The following TENM3 variants were observed in gnomAD, a reference collection of about 807,000 sequenced individuals.
The protein encoded by TENM3 is teneurin-3.
TENM3 carries 63 observed loss-of-function variants against 255.1 expected under a neutral mutation model. The observed-to-expected ratio is 0.25, with a 90% CI of 0.20 to 0.30. TENM3 has a LOEUF of 0.30. Among genes scored for constraint, TENM3 ranks in the 10% least tolerant of loss-of-function variants. The probability of loss-of-function intolerance (pLI) is 1.00; values close to 1 mark genes in which losing one functional copy is unlikely to be tolerated. For missense variants in TENM3, 2,929 were observed against 3,461.1 expected, an observed-to-expected ratio of 0.85 and a Z score of 3.86; for synonymous variants, 1,306 against 1,322.3, an observed-to-expected ratio of 0.99 and a Z score of 0.27.
At chr4:181,748,391 T>C in the TENM3 span, among the ~76,000 whole-genome samples, 2 of 152,104 alleles carry the variant, frequency 1.3e-5, no homozygotes, top group Non-Finnish European at 1.5e-5. Flanking sequence ...CACACACCTA[T>C]ACATAGTCCT....
intron 1 of TENM3, among the ~76,000 whole-genome samples, chr4:182,289,935 A>C (rs897687718): frequency 2.6e-5 from 4 of 152,190 alleles, no homozygotes; most frequent in African/African-American, 9.6e-5. Flanking sequence ...CTGCCTTGCC[A>C]TTCTGCCCCT....
At chr4:182,372,979 A>C (rs1766946024) in intron 3 of TENM3, among the ~76,000 whole-genome samples, 1 of 152,076 alleles carries the variant, frequency 6.6e-6, no homozygotes, top group Non-Finnish European at 1.5e-5. Context: ...AACTCAAGCA[A>C]ATTGCCTGCC....
At chr4:181,493,184 A>G in the TENM3 span, among the ~76,000 whole-genome samples, 13 of 151,602 alleles carry the variant, frequency 8.6e-5, no homozygotes, top group Non-Finnish European at 1.8e-4. Context: ...TAATCTCAAT[A>G]TTTTGGGAGG....
chr4:182,630,720 T>C (rs983596120), intron 5 of TENM3, among the ~76,000 whole-genome samples: 1 of 151,936 alleles, frequency 6.6e-6, no homozygotes, highest in Non-Finnish European at 1.5e-5. Flanking sequence ...TAAAAAAGAA[T>C]ATGTGTTTGT....
intron 1 of TENM3, among the ~76,000 whole-genome samples, chr4:182,278,411 T>C (rs1760152149): frequency 6.6e-6 from 1 of 152,106 alleles, no homozygotes; most frequent in Admixed American, 6.6e-5. Flanking sequence ...ATGTACTAGC[T>C]GGGTGAGCTG....
At chr4:182,452,628 T>C (rs979956526) in intron 3 of TENM3, among the ~76,000 whole-genome samples, 1 of 152,188 alleles carries the variant, frequency 6.6e-6, no homozygotes, top group Non-Finnish European at 1.5e-5. Flanking sequence ...CATATAAATA[T>C]GGATTTTAAG....
intron 2 of TENM3, among the ~76,000 whole-genome samples, chr4:182,340,602 C>A (rs1764426264): frequency 6.6e-6 from 1 of 152,072 alleles, no homozygotes; most frequent in South Asian, 2.1e-4. Flanking sequence ...AATGGTGACA[C>A]ATTTAACATA....
chr4:182,297,912 T>C (rs188324931), intron 1 of TENM3, among the ~76,000 whole-genome samples: 73 of 152,296 alleles, frequency 4.8e-4, no homozygotes, highest in African/African-American at 1.7e-3. Flanking sequence ...TCATGGACTT[T>C]CTCAGGCCTC....
intron 3 of TENM3, among the ~76,000 whole-genome samples, chr4:182,446,706 T>C (rs1328675134): frequency 6.6e-6 from 1 of 152,020 alleles, no homozygotes; most frequent in East Asian, 1.9e-4. Flanking sequence ...GCAGTCTGCC[T>C]GCCTCCATCT....
upstream of TENM3, among the ~76,000 whole-genome samples, chr4:182,240,542 C>T (rs1757185426): frequency 6.6e-6 from 1 of 152,188 alleles, no homozygotes; most frequent in African/African-American, 2.4e-5. Flanking sequence ...GACCATGTGT[C>T]ATCAGCATGC....
At chr4:181,992,204 T>C in the TENM3 span, among the ~76,000 whole-genome samples, 1 of 152,196 alleles carries the variant, frequency 6.6e-6, no homozygotes, top group Non-Finnish European at 1.5e-5. Flanking sequence ...TCTCGGTACC[T>C]GAGAGCAAAG....
At chr4:181,569,498 A>C in the TENM3 span, among the ~76,000 whole-genome samples, 1 of 152,024 alleles carries the variant, frequency 6.6e-6, no homozygotes, top group East Asian at 1.9e-4. Context: ...CCATTTTCTA[A>C]CTCATTTTCC....
At chr4:182,643,949 A>G (rs1482638147) in intron 5 of TENM3, among the ~76,000 whole-genome samples, 1 of 152,182 alleles carries the variant, frequency 6.6e-6, no homozygotes, top group African/African-American at 2.4e-5. Context: ...TCTCTTTCCC[A>G]TATTACCTCA....
chr4:181,594,806 C>T, the TENM3 span, among the ~76,000 whole-genome samples: 1 of 152,150 alleles, frequency 6.6e-6, no homozygotes, highest in Non-Finnish European at 1.5e-5. Flanking sequence ...AGAATTCTTG[C>T]TTTCTTCCCC....
chr4:181,485,282 C>T, the TENM3 span, among the ~76,000 whole-genome samples: 1 of 152,048 alleles, frequency 6.6e-6, no homozygotes, highest in Non-Finnish European at 1.5e-5. Flanking sequence ...CACTTTTAAA[C>T]TGGATTTTAA....
chr4:182,443,488 C>T (rs1018177904), intron 3 of TENM3, among the ~76,000 whole-genome samples: 4 of 152,210 alleles, frequency 2.6e-5, no homozygotes, highest in Non-Finnish European at 5.9e-5. Flanking sequence ...GCTCTTGCTA[C>T]GTACTCAGTT....
At chr4:182,107,066 T>C in the TENM3 span, among the ~76,000 whole-genome samples, 1 of 152,030 alleles carries the variant, frequency 6.6e-6, no homozygotes, top group South Asian at 2.1e-4. Context: ...TGTATGGAAC[T>C]TTCCTTATTT....
the TENM3 span, among the ~76,000 whole-genome samples, chr4:181,741,352 T>G: frequency 6.6e-6 from 1 of 152,200 alleles, no homozygotes; most frequent in South Asian, 2.1e-4. Context: ...TCTATGAAAT[T>G]ATGCTTGAGA....
At chr4:181,711,925 G>A in the TENM3 span, among the ~76,000 whole-genome samples, 3 of 152,264 alleles carry the variant, frequency 2.0e-5, no homozygotes, top group East Asian at 3.9e-4. Context: ...TTTGAACAGA[G>A]CCTGGCCTGT....
Sources: allele counts gnomAD v4.1 joint callset (sites outside exome capture counted in the v4.1 genomes callset), GRCh38; gene constraint gnomAD v4.1.1; transcripts MANE v1.5; gene names NCBI Gene and HGNC (gene_info 2026-07-23, HGNC 2026-07-21).